The following SSBP3 variants were observed in gnomAD, a reference collection of about 807,000 sequenced individuals.
SSBP3 encodes the protein single-stranded DNA-binding protein 3.
In SSBP3, 5 loss-of-function variants were observed where a neutral mutation model predicts 69.6. That is an observed-to-expected ratio of 0.07 (90% CI 0.04 to 0.15). SSBP3 has a LOEUF of 0.15. Ranked by LOEUF, SSBP3 falls within the 10% of genes least tolerant of loss-of-function variation. The pLI is 1.00. For synonymous variants in SSBP3, 196 were observed against 193.4 expected (o/e 1.01, Z -0.11); for missense variants, 312 against 534.0 (o/e 0.58, Z 4.10).
chr1:54,306,498 C>T (rs1645903820), intron 4 of SSBP3, among the ~76,000 whole-genome samples: 1 of 152,240 alleles, frequency 6.6e-6, no homozygotes, highest in South Asian at 2.1e-4. Context: ...ATCTTCAACT[C>T]TTACCTCGGT....
intron 5 of SSBP3, among the ~76,000 whole-genome samples, chr1:54,262,223 C>T (rs990702069): frequency 1.3e-5 from 2 of 152,142 alleles, no homozygotes; most frequent in African/African-American, 2.4e-5. Context: ...CCGGACTCCT[C>T]GCAGTAAGGG....
At chr1:54,316,644 T>C (rs1375568711) in intron 4 of SSBP3, among the ~76,000 whole-genome samples, 1 of 61,050 alleles carries the variant, frequency 1.6e-5, no homozygotes, top group African/African-American at 1.3e-4. Context: ...CGAGACTCCG[T>C]CTCAAAAAAA....
At chr1:54,361,146 C>A (rs1363558643) in intron 4 of SSBP3, among the ~76,000 whole-genome samples, 2 of 152,106 alleles carry the variant, frequency 1.3e-5, no homozygotes, top group Non-Finnish European at 2.9e-5. Flanking sequence ...AGAGAGTGAG[C>A]CTCCACAATC....
At chr1:54,397,348 G>A (rs1648969192) in intron 4 of SSBP3, among the ~76,000 whole-genome samples, 1 of 152,172 alleles carries the variant, frequency 6.6e-6, no homozygotes, top group African/African-American at 2.4e-5. Context: ...CACATCCAAG[G>A]AGAGCCCTCT....
intron 14 of SSBP3, among the ~76,000 whole-genome samples, chr1:54,234,929 G>GA: frequency 6.6e-6 from 1 of 152,210 alleles, no homozygotes; most frequent in South Asian, 2.1e-4. Context: ...ACCCAGCTTA[G>GA]AACACCTTTC....
chr1:54,405,234 C>T (rs1342046092), intron 1 of SSBP3, among the ~76,000 whole-genome samples: 1 of 152,250 alleles, frequency 6.6e-6, no homozygotes, highest in Non-Finnish European at 1.5e-5. Flanking sequence ...CTCGACCCCA[C>T]AGCCACCTTG....
intron 10 of SSBP3, 21 bp downstream of exon 10, chr1:54,243,214 G>A: frequency 1.2e-6 from 2 of 1,612,346 alleles, no homozygotes; most frequent in Non-Finnish European, 1.7e-6. Context: ...TGAGCCACGG[G>A]CCGGGTCGTT....
intron 4 of SSBP3, among the ~76,000 whole-genome samples, chr1:54,293,628 T>C: frequency 6.6e-6 from 1 of 152,228 alleles, no homozygotes; most frequent in East Asian, 1.9e-4. Context: ...GGCAGGTTCC[T>C]CTCTCTGCAA....
chr1:54,230,526 T>C (rs573932318), intron 14 of SSBP3, among the ~76,000 whole-genome samples: 1 of 152,180 alleles, frequency 6.6e-6, no homozygotes, highest in Non-Finnish European at 1.5e-5. Context: ...TTTATTGAGA[T>C]ATAATTCACA....
intron 4 of SSBP3, among the ~76,000 whole-genome samples, chr1:54,291,674 G>A (rs935786238): frequency 1.3e-5 from 2 of 152,192 alleles, no homozygotes; most frequent in Admixed American, 1.3e-4. Context: ...ATTCATCAGA[G>A]TCATTAATTG....
chr1:54,345,870 G>A (rs113325101), intron 4 of SSBP3, among the ~76,000 whole-genome samples: 4,571 of 151,996 alleles, frequency 0.03, 277 homozygotes, highest in African/African-American at 0.11. Flanking sequence ...GGCTGGGCAC[G>A]GTGGCTCACG....
At chr1:54,410,441 T>C (rs1391605433), upstream of SSBP3, among the ~76,000 whole-genome samples, 19 of 152,176 alleles carry the variant, frequency 1.2e-4, no homozygotes, top group Admixed American at 1.2e-3. Context: ...TTCAAAGCTC[T>C]CTTTCAGTGC....
In SSBP3 at chr1:54,366,487, G is replaced by A. The variant is rs150081791; in HGVS notation, c.276+35374C>T. Among the ~76,000 whole-genome samples, 994 of 152,230 alleles carry A rather than the reference G, an allele frequency of 6.5e-3. 22 individuals carry two copies. The highest frequency in any genetic ancestry group is 0.023 in the African/African-American group (936 of 41,530). ...GACTAGTATGCTGCTATTAAATTCTGGTTTGCTGAAATTAAAGTAAACTAG... is the reference window on the plus strand; with the variant it reads ...GACTAGTATGCTGCTATTAAATTCTAGTTTGCTGAAATTAAAGTAAACTAG... On this transcript the variant is annotated intron_variant, in intron 4 of 17. Transcript: ENST00000610401.
intron 4 of SSBP3, among the ~76,000 whole-genome samples, chr1:54,334,952 C>T (rs1646483844): frequency 6.6e-6 from 1 of 152,094 alleles, no homozygotes; most frequent in Non-Finnish European, 1.5e-5. Context: ...TTGTTTTGGA[C>T]CTGGAAATGG....
intron 4 of SSBP3, among the ~76,000 whole-genome samples, chr1:54,345,031 A>G (rs75909149): frequency 0.013 from 1,948 of 152,226 alleles, 64 homozygotes; most frequent in African/African-American, 0.044. Context: ...GTTTCCTCCA[A>G]TACAATGGCT....
At chr1:54,254,603 T>C (rs925763251) in intron 7 of SSBP3, among the ~76,000 whole-genome samples, 1 of 152,208 alleles carries the variant, frequency 6.6e-6, no homozygotes, top group African/African-American at 2.4e-5. Flanking sequence ...CATAATGGCC[T>C]GTGAGCCCCA....
rs141066083 is a variant in SSBP3 at position 54,369,560 on chromosome 1, G to A, written c.276+32301C>T. Among the ~76,000 whole-genome samples the A allele has an allele frequency of 3.9e-3, 590 of 152,302 alleles. 4 individuals carry two copies. Among genetic ancestry groups the A allele is most frequent in the African/African-American group, 0.013 (550 of 41,576 alleles). On this transcript the variant is annotated intron_variant, in intron 4 of 17. Coordinates refer to ENST00000610401, the Ensembl canonical transcript of SSBP3. ...TGGCAGACGGTTTCTGTGTCTCCAC[G>A]TGAAGGAAAGACTGGAGGTGAAGAA...
intron 4 of SSBP3, among the ~76,000 whole-genome samples, chr1:54,344,252 T>A (rs891287860): frequency 2.0e-5 from 3 of 152,322 alleles, no homozygotes; most frequent in Middle Eastern, 3.4e-3. Flanking sequence ...CAGAGTTTTG[T>A]TTACGTTTAT....
chr1:54,262,778 CCACTG>C (rs909652125), intron 5 of SSBP3, among the ~76,000 whole-genome samples: 1 of 152,184 alleles, frequency 6.6e-6, no homozygotes, highest in East Asian at 1.9e-4. Context: ...AGAGCTCTTT[CCACTG>C]CACTGCACTG....
Sources: gnomAD v4.1 joint callset for allele counts (sites outside exome capture counted in the v4.1 genomes callset) on GRCh38, gnomAD v4.1.1 for gene constraint, MANE v1.5 for transcripts, NCBI Gene and HGNC (gene_info 2026-07-23, HGNC 2026-07-21) for gene names.